Variants in GRID1 observed in about 807,000 individuals in gnomAD.
The protein encoded by GRID1 is glutamate ionotropic receptor delta type subunit 1.
In GRID1, 28 loss-of-function variants were observed where a neutral mutation model predicts 98.0. The observed-to-expected ratio is 0.29, with a 90% CI of 0.21 to 0.39. GRID1 has a LOEUF of 0.39. Among genes scored for constraint, GRID1 ranks in the 10% least tolerant of loss-of-function variants. GRID1 has a pLI of 1.00. For missense variants in GRID1, 1,111 were observed against 1,340.5 expected, an observed-to-expected ratio of 0.83 and a Z score of 2.67; for synonymous variants, 553 against 538.5, an observed-to-expected ratio of 1.03 and a Z score of -0.37.
intron 4 of GRID1, among the ~76,000 whole-genome samples, chr10:86,074,713 G>C (rs1285593845): frequency 6.6e-6 from 1 of 152,172 alleles, no homozygotes; most frequent in Admixed American, 6.5e-5. Context: ...ATAGAACTCA[G>C]CAGTGCTCCC....
intron 2 of GRID1, among the ~76,000 whole-genome samples, chr10:86,242,143 C>A (rs116803969): frequency 3.8e-4 from 58 of 152,328 alleles, no homozygotes; most frequent in Non-Finnish European, 7.3e-4. Context: ...AATGAGCCCA[C>A]CTGGCAGGGA....
At chr10:86,094,458 C>G (rs557814672) in intron 4 of GRID1, among the ~76,000 whole-genome samples, 5 of 152,258 alleles carry the variant, frequency 3.3e-5, no homozygotes, top group African/African-American at 1.2e-4. Flanking sequence ...CTAAGGACTC[C>G]TCCAGAAAGC....
chr10:86,121,582 C>CATTATCACCATCATCATAATCAT (rs1844677209), intron 4 of GRID1, among the ~76,000 whole-genome samples: 1 of 310 alleles, frequency 3.2e-3, no homozygotes, highest in Admixed American at 0.036. Flanking sequence ...AACATCACCA[C>CATTATCACCATCATCATAATCAT]CATCACCATC....
At position 85,902,510 on chromosome 10, in the gene GRID1, G is replaced by A. The variant is rs377736442; in HGVS notation, c.780+13676C>T. Among the ~76,000 whole-genome samples, 11 of 152,284 alleles carry A rather than the reference G, an allele frequency of 7.2e-5. No homozygotes were observed. The South Asian group carries it at 1.9e-3, about 26-fold the overall frequency. On this transcript the variant is annotated intron_variant, in intron 5 of 15. Coordinates refer to ENST00000327946, the MANE Select transcript of GRID1 (RefSeq NM_017551.3). ...TAAATTAACAAAAGTTTCATAGTAG[G>A]ACTTTCCATAATACAAACTATATTA...
chr10:85,852,410 C>G (rs1329150111), intron 8 of GRID1, among the ~76,000 whole-genome samples: 1 of 152,124 alleles, frequency 6.6e-6, no homozygotes, highest in Admixed American at 6.5e-5. Context: ...AAGTGGAGGA[C>G]ATAGTGCCTC....
chr10:85,835,440 G>A (rs909187161), intron 8 of GRID1, among the ~76,000 whole-genome samples: 2 of 152,168 alleles, frequency 1.3e-5, no homozygotes, highest in Non-Finnish European at 2.9e-5. Flanking sequence ...TCATGGTAGT[G>A]AGTAAGTCTC....
At chr10:86,040,655 G>T (rs556544776) in intron 4 of GRID1, among the ~76,000 whole-genome samples, 2 of 152,062 alleles carry the variant, frequency 1.3e-5, no homozygotes, top group African/African-American at 4.8e-5. Flanking sequence ...TTAGATAGGA[G>T]GAATAAATTC....
intron 8 of GRID1, among the ~76,000 whole-genome samples, chr10:85,786,664 G>C (rs1842432088): frequency 6.6e-6 from 1 of 152,240 alleles, no homozygotes; most frequent in South Asian, 2.1e-4. Context: ...TAGATAAGCG[G>C]CACTAAAATA....
At chr10:85,828,551 T>A (rs1028260795) in intron 8 of GRID1, among the ~76,000 whole-genome samples, 2 of 151,586 alleles carry the variant, frequency 1.3e-5, no homozygotes, top group African/African-American at 4.8e-5. Flanking sequence ...CACTATCTAG[T>A]CTAATAAAGG....
chr10:85,603,873 C>G (rs1842617945), intron 15 of GRID1, among the ~76,000 whole-genome samples: 1 of 152,178 alleles, frequency 6.6e-6, no homozygotes, highest in East Asian at 1.9e-4. Flanking sequence ...GAGAAAGGAA[C>G]CCATCCCCTG....
intron 3 of GRID1, among the ~76,000 whole-genome samples, chr10:86,191,894 C>T (rs1006613383): frequency 2.6e-5 from 4 of 152,164 alleles, no homozygotes; most frequent in African/African-American, 9.7e-5. Flanking sequence ...TTCCTGATGG[C>T]ACCCCTGCTG....
intron 3 of GRID1, among the ~76,000 whole-genome samples, chr10:86,205,845 T>C (rs1377819184): frequency 6.6e-6 from 1 of 152,130 alleles, no homozygotes; most frequent in African/African-American, 2.4e-5. Flanking sequence ...TGCCCAGCCC[T>C]ACCCAGTGTT....
chr10:86,019,189 C>T (rs1209819981), intron 4 of GRID1, among the ~76,000 whole-genome samples: 1 of 152,230 alleles, frequency 6.6e-6, no homozygotes, highest in African/African-American at 2.4e-5. Context: ...GAAACACAAC[C>T]AGACCAGTTT....
chr10:85,931,366 TG>T (rs1370337812), intron 4 of GRID1, among the ~76,000 whole-genome samples: 1 of 152,212 alleles, frequency 6.6e-6, no homozygotes, highest in Non-Finnish European at 1.5e-5. Context: ...TGAAATATTT[TG>T]TTACTTATTT....
At chr10:86,321,790 G>T (rs554529182) in intron 2 of GRID1, among the ~76,000 whole-genome samples, 1 of 152,242 alleles carries the variant, frequency 6.6e-6, no homozygotes, top group South Asian at 2.1e-4. Flanking sequence ...GGTCAGTGGA[G>T]CCCATACCCA....
intron 3 of GRID1, among the ~76,000 whole-genome samples, chr10:86,162,326 G>A (rs944209834): frequency 6.6e-6 from 1 of 151,992 alleles, no homozygotes; most frequent in Non-Finnish European, 1.5e-5. Flanking sequence ...TCATTACCGT[G>A]TCCCTGCTGA....
intron 14 of GRID1, 92 bp downstream of exon 14, chr10:85,619,775 T>C: frequency 1.1e-6 from 1 of 934,918 alleles, no homozygotes; most frequent in Non-Finnish European, 1.6e-6. Flanking sequence ...CAAAGATGTT[T>C]GCATTGGCTC....
intron 2 of GRID1, among the ~76,000 whole-genome samples, chr10:86,259,247 T>C (rs1846973164): frequency 1.3e-5 from 2 of 152,206 alleles, no homozygotes; most frequent in Admixed American, 6.5e-5. Context: ...TTGCAAGCTG[T>C]CAGCCCTAAC....
chr10:86,277,135 G>A (rs1272649091), intron 2 of GRID1, among the ~76,000 whole-genome samples: 1 of 152,218 alleles, frequency 6.6e-6, no homozygotes, highest in African/African-American at 2.4e-5. Context: ...TCTCAAGATG[G>A]AGGGTGGTGA....
Sources: allele counts gnomAD v4.1 joint callset (sites outside exome capture counted in the v4.1 genomes callset), GRCh38; gene constraint gnomAD v4.1.1; transcripts MANE v1.5; gene names NCBI Gene and HGNC (gene_info 2026-07-23, HGNC 2026-07-21).